Variants in KIF13A observed in about 807,000 individuals in gnomAD.
KIF13A encodes the protein kinesin-like protein KIF13A.
KIF13A carries 79 observed loss-of-function variants against 212.2 expected under a neutral mutation model. That is an observed-to-expected ratio of 0.37 (90% CI 0.31 to 0.45). KIF13A has a LOEUF of 0.45. Ranked by LOEUF, KIF13A falls within the 20% of genes least tolerant of loss-of-function variation. KIF13A has a pLI of 1.00. For missense variants in KIF13A, 1,901 were observed against 2,209.0 expected (o/e 0.86, Z 2.79); for synonymous variants, 789 against 808.6 (o/e 0.98, Z 0.41).
At chr6:17,868,167 G>A (rs1769602388) in intron 4 of KIF13A, among the ~76,000 whole-genome samples, 1 of 152,204 alleles carries the variant, frequency 6.6e-6, no homozygotes, top group Non-Finnish European at 1.5e-5. Context: ...TCTCAGGCCA[G>A]GGAATGTTCA....
chr6:17,856,025 C>T lies in KIF13A; in HGVS notation c.313+5G>A. On this transcript the variant is annotated splice_donor_5th_base_variant and intron_variant, in intron 5 of 38. Coordinates refer to ENST00000259711, the MANE Select transcript of KIF13A (RefSeq NM_022113.6). The surrounding 1 kb of genome is among the most constrained non-coding windows in gnomAD (Gnocchi z 4.5). ...CACATCTGGTCTATAAAAGCAACTT[C>T]TTACCTGTCTGTCCATATGCAAAAA... is the stretch of plus-strand genomic sequence containing the variant. The T allele has an allele frequency of 6.2e-7, 1 of 1,602,840 alleles. No individual in the cohort carries two copies.
intron 16 of KIF13A, among the ~76,000 whole-genome samples, chr6:17,821,149 T>C (rs1041495892): frequency 1.3e-5 from 2 of 152,290 alleles, no homozygotes; most frequent in East Asian, 1.9e-4. Flanking sequence ...GAGAGAGCCA[T>C]TGCGCTTGGC....
At position 17,855,231 on chromosome 6, in the gene KIF13A, A is replaced by C. The variant is rs1002688700; in HGVS notation, c.494+206T>G. Among the ~76,000 whole-genome samples the C allele has an allele frequency of 6.6e-6, 1 of 152,260 alleles. No individual in the cohort carries two copies. Among genetic ancestry groups the C allele is most frequent in the Admixed American group, 6.5e-5 (1 of 15,290 alleles). On this transcript the variant is annotated intron_variant, in intron 6 of 38. Transcript: ENST00000259711. The surrounding 1 kb of genome is among the most constrained non-coding windows in gnomAD (Gnocchi z 4.1). ...TAGTAAAAACATCTTTTCAAAGGGC[A>C]TACATAGGCAACTTTATACATTAAT...
At position 17,837,884 on chromosome 6, in the gene KIF13A, T is replaced by C. The variant is rs1766120996; in HGVS notation, c.831-301A>G. 3.3e-5 allele frequency among the ~76,000 whole-genome samples: 5 copies of C among 151,374 alleles called. No individual in the cohort carries two copies. In the South Asian group the frequency reaches 1.0e-3, roughly 32 times the overall value. ...AGGAGAATCTCTGGAACCCGGGAGT[T>C]AGAGGTTGCAGTGAGCCGAGACTGT... On this transcript the variant is annotated intron_variant, in intron 9 of 38. Coordinates refer to ENST00000259711, the MANE Select transcript of KIF13A (RefSeq NM_022113.6). This position sits in a 1 kb window ranked among gnomAD's most constrained non-coding sequence, Gnocchi z 5.4.
intron 2 of KIF13A, among the ~76,000 whole-genome samples, chr6:17,907,846 G>T (rs147274240): frequency 4.0e-4 from 61 of 152,324 alleles, no homozygotes; most frequent in African/African-American, 1.4e-3. Context: ...CTGCCATGAT[G>T]ACTCAGCCTT....
At chr6:17,765,629 A>G (rs1758875988) in intron 38 of KIF13A, among the ~76,000 whole-genome samples, 1 of 152,242 alleles carries the variant, frequency 6.6e-6, no homozygotes, top group Non-Finnish European at 1.5e-5. Context: ...AGGCATAGTG[A>G]AATTTAAATG....
rs1171032758 is a variant in KIF13A at position 17,770,913 on chromosome 6, A to T, written c.4581+201T>A. ...CCTTTTTCTAAGCAAACTTAAGCAAAAAATAAATAAATAAATAAGATAAAA... is the reference window on the plus strand; with the variant it reads ...CCTTTTTCTAAGCAAACTTAAGCAATAAATAAATAAATAAATAAGATAAAA... On this transcript the variant is annotated intron_variant, in intron 38 of 38. Transcript: ENST00000259711. 26 of 528,740 alleles carry T rather than the reference A, an allele frequency of 4.9e-5. No homozygotes were observed. In the East Asian group the frequency reaches 5.8e-4, roughly 12 times the overall value. The allele number at this position is 528,740 out of a possible 1,614,324, so 32.8% of individuals were successfully genotyped here. A position where few individuals can be genotyped will look rare whatever the true frequency, so the allele number is the denominator to read the frequency against.
chr6:17,826,381 G>C lies in KIF13A; in HGVS notation c.1533-257C>G, dbSNP rs145820562. Among the ~76,000 whole-genome samples the C allele has an allele frequency of 6.6e-6, 1 of 152,292 alleles. No homozygotes were observed. The highest frequency in any genetic ancestry group is 2.4e-5 in the African/African-American group (1 of 41,576). On this transcript the variant is annotated intron_variant, in intron 14 of 38. Coordinates refer to ENST00000259711, the MANE Select transcript of KIF13A (RefSeq NM_022113.6). This position sits in a 1 kb window ranked among gnomAD's most constrained non-coding sequence, Gnocchi z 4.7. ...ATGGAGACAGAAAGCACCACCCATG[G>C]CTATTCTTGTCAAAATTTGAGCTGA...
At chr6:17,808,685 G>T in intron 18 of KIF13A, 83 bp downstream of exon 18, 1 of 1,333,612 alleles carries the variant, frequency 7.5e-7, no homozygotes, top group South Asian at 1.5e-5. Context: ...CCTCAGGCAT[G>T]TTTCTGGGGT....
At chr6:17,932,389 T>C (rs980419979) in intron 2 of KIF13A, among the ~76,000 whole-genome samples, 1 of 152,202 alleles carries the variant, frequency 6.6e-6, no homozygotes. Context: ...GACTAAAGCA[T>C]TGCTGGCTGA....
intron 2 of KIF13A, chr6:17,950,905 C>T: frequency 2.0e-6 from 2 of 982,840 alleles, no homozygotes; most frequent in Non-Finnish European, 2.4e-6. Flanking sequence ...ACAACCGTAT[C>T]CACCCACCCA....
intron 2 of KIF13A, among the ~76,000 whole-genome samples, chr6:17,931,467 G>T: frequency 9.2e-6 from 1 of 109,224 alleles, no homozygotes; most frequent in South Asian, 3.3e-4. Flanking sequence ...AGTGATAAAG[G>T]TACCCTAAAA....
intron 4 of KIF13A, among the ~76,000 whole-genome samples, chr6:17,862,410 T>C (rs963774429): frequency 2.6e-5 from 4 of 152,326 alleles, no homozygotes; most frequent in Non-Finnish European, 5.9e-5. Flanking sequence ...TAATCAACTA[T>C]AATTCATTTT....
rs1457930721 is a variant in KIF13A, at chr6:17,787,169, C to T, written c.3361+607G>A. On this transcript the variant is annotated intron_variant, in intron 27 of 38. Transcript: ENST00000259711. This position sits in a 1 kb window ranked among gnomAD's most constrained non-coding sequence, Gnocchi z 4.6. ...GTCCTAGGTCCTGGTGCCTAAAGTA[C>T]CTTGTATTGACATACTGGTATTGAT... Among the ~76,000 whole-genome samples the T allele has an allele frequency of 6.6e-6, 1 of 152,174 alleles. No homozygotes were observed. The highest frequency in any genetic ancestry group is 2.4e-5 in the African/African-American group (1 of 41,438).
Position 17,783,626 on chromosome 6 carries a change from G to T in KIF13A, c.3544+20C>A. On this transcript the variant is annotated intron_variant, in intron 29 of 38. Coordinates refer to ENST00000259711, the MANE Select transcript of KIF13A (RefSeq NM_022113.6). The surrounding 1 kb of genome is among the most constrained non-coding windows in gnomAD (Gnocchi z 4.3). ...CTTAGTTAAATACAATAATCCCTGT[G>T]ACTTTAAGTGTCTACTTACCATTCA... 6.7e-7 allele frequency: 1 copy of T among 1,491,852 alleles called. No individual in the cohort carries two copies. Among genetic ancestry groups the T allele is most frequent in the Non-Finnish European group, 9.2e-7 (1 of 1,084,990 alleles). 92.4% of individuals were successfully genotyped at this position (1,491,852 alleles called of 1,614,324 possible). A position where few individuals can be genotyped will look rare whatever the true frequency, so the allele number is the denominator to read the frequency against.
intron 38 of KIF13A, among the ~76,000 whole-genome samples, chr6:17,766,063 T>C (rs1478065238): frequency 6.6e-6 from 1 of 152,292 alleles, no homozygotes; most frequent in East Asian, 1.9e-4. Context: ...CAGGTAAACT[T>C]AGACACCTCA....
rs112109420 is a variant in KIF13A, at chr6:17,791,688, G to A, written c.3223-1778C>T. ...GGACCAGGCAGGCGGATCATTTGAG[G>A]TGAGGAATGCAAGACCAGCCTGGCC... is the stretch of plus-strand genomic sequence containing the variant. On this transcript the variant is annotated intron_variant, in intron 25 of 38. Coordinates refer to ENST00000259711, the MANE Select transcript of KIF13A (RefSeq NM_022113.6). Among the ~76,000 whole-genome samples, 1,048 of 152,068 alleles carry A rather than the reference G, an allele frequency of 6.9e-3. 11 individuals carry two copies. Among genetic ancestry groups the A allele is most frequent in the African/African-American group, 0.024 (994 of 41,476 alleles).
In KIF13A at chr6:17,855,518, T is replaced by G. The variant is rs752696019; in HGVS notation, c.413A>C (p.Asn138Thr). The G allele has an allele frequency of 6.2e-7, 1 of 1,613,768 alleles. No individual in the cohort carries two copies. The highest frequency in any genetic ancestry group is 2.2e-5 in the East Asian group (1 of 44,874). ...TTCAACTTTAAAGGTCTGTGACTCATTTTGCTCCAAAGAGATCCTTTTAAA... is the reference window on the plus strand; with the variant it reads ...TTCAACTTTAAAGGTCTGTGACTCAGTTTGCTCCAAAGAGATCCTTTTAAA... ...ALFKRISLEQ[N>T]ESQTFKVEVS... Residue 138 changes from asparagine (N) to threonine (T), a missense_variant, in exon 6 of 39, where the codon AAT becomes ACT. By Grantham distance (65) the Asn-to-Thr change is moderately conservative (BLOSUM62 0). Transcript: ENST00000259711. This position sits in a 1 kb window ranked among gnomAD's most constrained non-coding sequence, Gnocchi z 4.1.
At chr6:17,974,403 G>A (rs2328176) in intron 2 of KIF13A, among the ~76,000 whole-genome samples, 121,501 of 152,118 alleles carry the variant, frequency 0.8, 48,959 homozygotes, top group African/African-American at 0.89. Flanking sequence ...ATACTAGACC[G>A]ACGGTTTTCA....
Sources: gnomAD v4.1 joint callset for allele counts (sites outside exome capture counted in the v4.1 genomes callset) on GRCh38, gnomAD v4.1.1 for gene constraint, Gnocchi (gnomAD v3.1) non-coding constraint, MANE v1.5 for transcripts, NCBI Gene and HGNC (gene_info 2026-07-23, HGNC 2026-07-21) for gene names.